FAM107B: variants seen among roughly 807,000 people sequenced by gnomAD.
The protein encoded by FAM107B is family with sequence similarity 107 member B.
FAM107B carries 21 observed loss-of-function variants against 31.5 expected under a neutral mutation model. That is an observed-to-expected ratio of 0.67 (90% CI 0.47 to 0.96). FAM107B has a LOEUF of 0.96. Among genes scored for constraint, FAM107B ranks in the 40% least tolerant of loss-of-function variants. The pLI is 0.00. For synonymous variants in FAM107B, 157 were observed against 141.5 expected (o/e 1.11, Z -0.78); for missense variants, 452 against 377.1 (o/e 1.20, Z -1.64).
intron 1 of FAM107B, among the ~76,000 whole-genome samples, chr10:14,728,577 C>A (rs115379368): frequency 1.9e-3 from 286 of 152,248 alleles, no homozygotes; most frequent in African/African-American, 6.6e-3. Flanking sequence ...ACCCTGATAT[C>A]TCCTTAGAGA....
chr10:14,575,613 C>A (rs1374035299), intron 2 of FAM107B, among the ~76,000 whole-genome samples: 1 of 152,186 alleles, frequency 6.6e-6, no homozygotes, highest in Non-Finnish European at 1.5e-5. Flanking sequence ...CAGGCAGGCA[C>A]AGGGGCCAGG....
chr10:14,650,591 A>C (rs1327919363), intron 2 of FAM107B, among the ~76,000 whole-genome samples: 1 of 152,106 alleles, frequency 6.6e-6, no homozygotes, highest in African/African-American at 2.4e-5. Flanking sequence ...CGGCCTCTCG[A>C]TACTTATTTA....
chr10:14,552,985 A>G (rs180980368), intron 2 of FAM107B, among the ~76,000 whole-genome samples: 1 of 152,342 alleles, frequency 6.6e-6, no homozygotes, highest in Non-Finnish European at 1.5e-5. Context: ...GACTAGCGAA[A>G]GCACACAAAA....
intron 2 of FAM107B, among the ~76,000 whole-genome samples, chr10:14,638,701 T>C (rs2131428992): frequency 6.6e-6 from 1 of 152,336 alleles, no homozygotes; most frequent in East Asian, 1.9e-4. Context: ...CAAGAGCTCT[T>C]TTTTATTCCT....
intron 1 of FAM107B, among the ~76,000 whole-genome samples, chr10:14,709,513 T>A (rs1299756792): frequency 1.3e-5 from 2 of 152,140 alleles, no homozygotes; most frequent in South Asian, 2.1e-4. Flanking sequence ...TTATTCACTA[T>A]CACAAGAACA....
At chr10:14,601,392 T>G (rs1321186865) in intron 2 of FAM107B, among the ~76,000 whole-genome samples, 1 of 152,122 alleles carries the variant, frequency 6.6e-6, no homozygotes, top group Admixed American at 6.5e-5. Flanking sequence ...GCCCAGCCCT[T>G]CTTGAACTAG....
chr10:14,611,809 T>C (rs1488074003), intron 2 of FAM107B, among the ~76,000 whole-genome samples: 1 of 151,956 alleles, frequency 6.6e-6, no homozygotes, highest in Admixed American at 6.6e-5. Context: ...TCTAAGCTCA[T>C]TCATTTATAA....
chr10:14,563,723 C>G (rs1286151378), intron 2 of FAM107B, among the ~76,000 whole-genome samples: 2 of 152,156 alleles, frequency 1.3e-5, no homozygotes, highest in African/African-American at 2.4e-5. Context: ...CTGGCCTTTC[C>G]CAATGATGTA....
chr10:14,769,666 G>A lies in FAM107B; in HGVS notation c.411+4587C>T, dbSNP rs184667521. 7.4e-4 allele frequency among the ~76,000 whole-genome samples: 112 copies of A among 152,252 alleles called. 1 individual carries two copies. Among genetic ancestry groups the A allele is most frequent in the Admixed American group, 2.0e-3 (30 of 15,282 alleles). ...CTCCCAAAGTGTTTGGATTACAGGC[G>A]TGAGCCACCGCGCCCGGCCACAATT... On this transcript the variant is annotated intron_variant, in intron 1 of 4. Coordinates refer to ENST00000181796, the MANE Select transcript of FAM107B (RefSeq NM_031453.4).
chr10:14,696,138 T>C (rs1855260907), intron 1 of FAM107B, among the ~76,000 whole-genome samples: 1 of 152,202 alleles, frequency 6.6e-6, no homozygotes, highest in Non-Finnish European at 1.5e-5. Context: ...CCTTCACTGT[T>C]TTGAGGAACT....
chr10:14,627,006 C>G (rs796483301), intron 2 of FAM107B, among the ~76,000 whole-genome samples: 3 of 152,258 alleles, frequency 2.0e-5, no homozygotes, highest in African/African-American at 7.2e-5. Context: ...GTTCCCTCTT[C>G]TCATCAACAT....
At chr10:14,744,890 C>G (rs531438725) in intron 1 of FAM107B, among the ~76,000 whole-genome samples, 1 of 152,080 alleles carries the variant, frequency 6.6e-6, no homozygotes, top group Non-Finnish European at 1.5e-5. Context: ...CTGTCTGGTC[C>G]TGGGTAGTTC....
chr10:14,677,108 C>T (rs1294247868), intron 1 of FAM107B, among the ~76,000 whole-genome samples: 1 of 152,132 alleles, frequency 6.6e-6, no homozygotes, highest in Non-Finnish European at 1.5e-5. Flanking sequence ...TCTTTCTATC[C>T]ACAAGGGTTG....
rs143594475 is a variant in FAM107B at position 14,627,840 on chromosome 10, T to C, written c.469+39794A>G. The stretch of plus-strand genomic sequence containing the variant: ...AGATTGGTTGAATCCAACGAGAGAG[T>C]GGCACAAAGAGGGAGATCAGAATTA... On this transcript the variant is annotated intron_variant, in intron 2 of 4. Coordinates refer to ENST00000181796, the MANE Select transcript of FAM107B (RefSeq NM_031453.4). Among the ~76,000 whole-genome samples, 95 of 146,180 alleles carry C rather than the reference T, an allele frequency of 6.5e-4. 1 individual carries two copies. Among genetic ancestry groups the C allele is most frequent in the African/African-American group, 2.3e-3 (93 of 39,846 alleles).
chr10:14,751,040 G>C (rs1177375944), intron 1 of FAM107B, among the ~76,000 whole-genome samples: 2 of 152,172 alleles, frequency 1.3e-5, no homozygotes, highest in African/African-American at 4.8e-5. Context: ...TTTCCATGGT[G>C]GCACATCTGG....
At chr10:14,657,516 C>A (rs1462591837) in intron 2 of FAM107B, among the ~76,000 whole-genome samples, 2 of 152,190 alleles carry the variant, frequency 1.3e-5, no homozygotes, top group African/African-American at 2.4e-5. Flanking sequence ...TCTTCACCCC[C>A]ACCCCTGGTC....
intron 2 of FAM107B, among the ~76,000 whole-genome samples, chr10:14,604,005 GC>G (rs1429644278): frequency 1.4e-5 from 2 of 146,356 alleles, no homozygotes; most frequent in African/African-American, 2.5e-5. Context: ...CCTCCGCGGC[GC>G]CCCCCGCACG....
At chr10:14,604,136 CG>C in intron 2 of FAM107B, 7 of 768,882 alleles carry the variant, frequency 9.1e-6, no homozygotes, top group East Asian at 1.3e-4. Context: ...CCCGGCCGCC[CG>C]CCCGCCGAGA....
chr10:14,572,736 A>ATTTTAT lies in FAM107B; in HGVS notation c.470-42222_470-42221insATAAAA, dbSNP rs1455058375. ...CCCCATCTCTTCAAAAAAAAAAAAA[A>ATTTTAT]ATTTATATATATATATATATATATT... On this transcript the variant is annotated intron_variant, in intron 2 of 4. Coordinates refer to ENST00000181796, the MANE Select transcript of FAM107B (RefSeq NM_031453.4). Among the ~76,000 whole-genome samples the ATTTTAT allele has an allele frequency of 4.4e-3, 379 of 86,374 alleles. 18 individuals carry two copies. Among genetic ancestry groups the ATTTTAT allele is most frequent in the African/African-American group, 0.012 (290 of 24,874 alleles). 56.7% of individuals were successfully genotyped at this position (86,374 alleles called of 152,430 possible). A position where few individuals can be genotyped will look rare whatever the true frequency, so the allele number is the denominator to read the frequency against.
Sources: allele counts gnomAD v4.1 joint callset (sites outside exome capture counted in the v4.1 genomes callset), GRCh38; gene constraint gnomAD v4.1.1; transcripts MANE v1.5; gene names NCBI Gene and HGNC (gene_info 2026-07-23, HGNC 2026-07-21).